RBFOX1: variants seen among roughly 807,000 people sequenced by gnomAD.
RBFOX1 encodes RNA binding protein fox-1 homolog 1.
RBFOX1 carries 8 observed loss-of-function variants against 57.7 expected under a neutral mutation model. The observed-to-expected ratio is 0.14, with a 90% CI of 0.08 to 0.25. The LOEUF is 0.25. Ranked by LOEUF, RBFOX1 falls within the 10% of genes least tolerant of loss-of-function variation. The pLI, the probability that RBFOX1 is intolerant of heterozygous loss-of-function variation, is 1.00. For synonymous variants in RBFOX1, 326 were observed against 222.4 expected (o/e 1.47, Z -4.15); for missense variants, 611 against 548.5 (o/e 1.11, Z -1.14).
intron 4 of RBFOX1, among the ~76,000 whole-genome samples, chr16:7,255,531 A>G (rs1009286912): frequency 2.6e-5 from 4 of 152,242 alleles, no homozygotes; most frequent in Admixed American, 6.5e-5. Context: ...TTAGTGTAAA[A>G]GAGATTGAAA....
chr16:5,347,279 G>T (rs184328852), intron 1 of RBFOX1, among the ~76,000 whole-genome samples: 1 of 152,058 alleles, frequency 6.6e-6, no homozygotes, highest in Non-Finnish European at 1.5e-5. Context: ...TATACATTCA[G>T]TGCTGTATAT....
chr16:5,399,629 G>C (rs2066657250), intron 1 of RBFOX1, among the ~76,000 whole-genome samples: 1 of 152,044 alleles, frequency 6.6e-6, no homozygotes, highest in African/African-American at 2.4e-5. Flanking sequence ...GCTACTGAAA[G>C]GGATGATGAG....
chr16:7,094,744 C>CTGTGTGTGTG (rs370249382), intron 4 of RBFOX1, among the ~76,000 whole-genome samples: 7,452 of 139,278 alleles, frequency 0.054, 196 homozygotes, highest in African/African-American at 0.063. Flanking sequence ...GACTGTACAG[C>CTGTGTGTGTG]TGTGTGTGTG....
chr16:7,295,749 A>C (rs1272883295), intron 4 of RBFOX1, among the ~76,000 whole-genome samples: 1 of 152,118 alleles, frequency 6.6e-6, no homozygotes, highest in Non-Finnish European at 1.5e-5. Context: ...AAGAGTTCCC[A>C]AATACCCCAT....
intron 2 of RBFOX1, among the ~76,000 whole-genome samples, chr16:6,610,473 G>T (rs2098029383): frequency 6.6e-6 from 1 of 152,012 alleles, no homozygotes. Context: ...AATCACAGGT[G>T]CATGCCACCA....
chr16:5,930,247 T>TGGA (rs2059021852), intron 4 of RBFOX1, among the ~76,000 whole-genome samples: 1 of 77,820 alleles, frequency 1.3e-5, no homozygotes, highest in Non-Finnish European at 2.5e-5. Flanking sequence ...GGATGGATGC[T>TGGA]TGGATGTATA....
chr16:6,599,750 C>T (rs895261566), intron 2 of RBFOX1, among the ~76,000 whole-genome samples: 2 of 152,190 alleles, frequency 1.3e-5, no homozygotes, highest in Non-Finnish European at 2.9e-5. Context: ...CTAGTTAAGC[C>T]ATCTTGAGCA....
At chr16:6,236,545 C>T (rs2097506512) in intron 1 of RBFOX1, among the ~76,000 whole-genome samples, 1 of 152,038 alleles carries the variant, frequency 6.6e-6, no homozygotes, top group African/African-American at 2.4e-5. Context: ...AGTGACTCCC[C>T]TGCCTCAGTC....
intron 1 of RBFOX1, among the ~76,000 whole-genome samples, chr16:5,357,121 C>T (rs770977582): frequency 2.0e-5 from 3 of 152,140 alleles, no homozygotes; most frequent in African/African-American, 7.2e-5. Context: ...ATCTCATGAG[C>T]ATTTGTTGAG....
chr16:7,232,375 A>C (rs2093550773), intron 4 of RBFOX1, among the ~76,000 whole-genome samples: 1 of 152,166 alleles, frequency 6.6e-6, no homozygotes, highest in Non-Finnish European at 1.5e-5. Flanking sequence ...AATGGGCAAA[A>C]GATGCCTATG....
chr16:7,502,137 T>C (rs536382110), intron 4 of RBFOX1, among the ~76,000 whole-genome samples: 4 of 152,320 alleles, frequency 2.6e-5, no homozygotes, highest in African/African-American at 7.2e-5. Context: ...CTAAAACTTA[T>C]GCAACACACA....
chr16:7,333,294 G>A (rs1456081216), intron 4 of RBFOX1, among the ~76,000 whole-genome samples: 2 of 152,194 alleles, frequency 1.3e-5, no homozygotes, highest in Non-Finnish European at 2.9e-5. Flanking sequence ...GTGTAGTTGA[G>A]CTATATTTGC....
chr16:5,246,199 G>T (rs112988595), intron 1 of RBFOX1, among the ~76,000 whole-genome samples: 84 of 152,242 alleles, frequency 5.5e-4, no homozygotes, highest in African/African-American at 1.9e-3. Context: ...CCGAGATCGC[G>T]CCACTGCACT....
chr16:7,072,625 C>A (rs1033616562), intron 4 of RBFOX1, among the ~76,000 whole-genome samples: 1 of 152,004 alleles, frequency 6.6e-6, no homozygotes, highest in African/African-American at 2.4e-5. Context: ...AGAAAGCTGC[C>A]CTAGGAAGAG....
chr16:7,458,907 TCCAA>T (rs1441980348), intron 4 of RBFOX1, among the ~76,000 whole-genome samples: 1 of 152,252 alleles, frequency 6.6e-6, no homozygotes, highest in East Asian at 1.9e-4. Flanking sequence ...GCATGTAAGC[TCCAA>T]CCGGGTAGAT....
chr16:6,727,501 A>C (rs538118722), intron 3 of RBFOX1, among the ~76,000 whole-genome samples: 15 of 151,998 alleles, frequency 9.9e-5, no homozygotes, highest in Non-Finnish European at 2.9e-5. Flanking sequence ...ATTATACGCA[A>C]ATTGTACACT....
intron 3 of RBFOX1, among the ~76,000 whole-genome samples, chr16:5,820,451 A>G (rs961108625): frequency 6.6e-6 from 1 of 152,106 alleles, no homozygotes; most frequent in Non-Finnish European, 1.5e-5. Context: ...CCGTGCCGGG[A>G]TTGATCAGCA....
At chr16:5,561,216 A>G (rs186135176) in intron 2 of RBFOX1, among the ~76,000 whole-genome samples, 1 of 152,230 alleles carries the variant, frequency 6.6e-6, no homozygotes, top group African/African-American at 2.4e-5. Context: ...AATATTTCCA[A>G]GAAATATGAG....
At chr16:6,863,094 G>C (rs144842253) in intron 3 of RBFOX1, among the ~76,000 whole-genome samples, 2 of 152,078 alleles carry the variant, frequency 1.3e-5, no homozygotes, top group African/African-American at 4.8e-5. Context: ...ACAGTGGAAG[G>C]ATTTTTACAG....
Sources: allele counts gnomAD v4.1 joint callset (sites outside exome capture counted in the v4.1 genomes callset), GRCh38; gene constraint gnomAD v4.1.1; transcripts MANE v1.5; gene names NCBI Gene and HGNC (gene_info 2026-07-23, HGNC 2026-07-21).